TTBK2: variants seen among roughly 807,000 people sequenced by gnomAD.
TTBK2 encodes the protein tau-tubulin kinase 2.
Under a neutral mutation model 110.8 loss-of-function variants are expected in TTBK2, and 28 were observed. That is an observed-to-expected ratio of 0.25 (90% confidence interval 0.19 to 0.35). The LOEUF is 0.35. Ranked by LOEUF, TTBK2 falls within the 10% of genes least tolerant of loss-of-function variation. The pLI is 1.00. For synonymous variants in TTBK2, 532 were observed against 527.3 expected (o/e 1.01, Z -0.12); for missense variants, 1,369 against 1,500.3 (o/e 0.91, Z 1.45).
intron 7 of TTBK2, among the ~76,000 whole-genome samples, chr15:42,813,845 G>T (rs1256274228): frequency 1.3e-5 from 2 of 151,180 alleles, no homozygotes; most frequent in Non-Finnish European, 2.9e-5. Flanking sequence ...GAGAGAGCAG[G>T]ACTCCATCTC....
At chr15:42,909,899 C>T (rs1484970129) in intron 1 of TTBK2, among the ~76,000 whole-genome samples, 1 of 152,078 alleles carries the variant, frequency 6.6e-6, no homozygotes, top group Admixed American at 6.6e-5. Context: ...GCAGCTTACA[C>T]CTGTAGTAAT....
At chr15:42,877,634 A>G (rs1263028728) in intron 2 of TTBK2, among the ~76,000 whole-genome samples, 1 of 152,206 alleles carries the variant, frequency 6.6e-6, no homozygotes, top group Non-Finnish European at 1.5e-5. Context: ...CTAAAACTGT[A>G]TTTGGTAATA....
Position 42,795,257 on chromosome 15 carries a change from A to T in TTBK2, c.823-456T>A, listed in dbSNP as rs564901676. Among the ~76,000 whole-genome samples, 200 of 139,960 alleles carry T rather than the reference A, an allele frequency of 1.4e-3. 2 individuals carry two copies. Among genetic ancestry groups the T allele is most frequent in the Non-Finnish European group, 2.5e-3 (157 of 63,044 alleles). The allele number at this position is 139,960 out of a possible 152,430, so 91.8% of individuals were successfully genotyped here. ...ATAGAAGTTCATTGTGCTTTCCTTCATTTTTTTTTTTTTTGCAGGTTTAAA... is the reference window on the plus strand; with the variant it reads ...ATAGAAGTTCATTGTGCTTTCCTTCTTTTTTTTTTTTTTTGCAGGTTTAAA... On this transcript the variant is annotated intron_variant, in intron 9 of 14. Transcript: ENST00000267890.
chr15:42,801,437 C>G, intron 9 of TTBK2: 1 of 884,694 alleles, frequency 1.1e-6, no homozygotes, highest in Non-Finnish European at 1.9e-6. Context: ...AGCCCTCTGG[C>G]CTTTGAGACC....
chr15:42,825,049 C>CTAT (rs1892470431), intron 6 of TTBK2, among the ~76,000 whole-genome samples: 1 of 152,094 alleles, frequency 6.6e-6, no homozygotes, highest in South Asian at 2.1e-4. Flanking sequence ...TAGTTTGAGG[C>CTAT]TACAATGGGT....
intron 3 of TTBK2, among the ~76,000 whole-genome samples, chr15:42,866,971 G>A (rs533856684): frequency 5.3e-5 from 8 of 152,294 alleles, no homozygotes; most frequent in Admixed American, 2.6e-4. Flanking sequence ...TAGGCCGGGC[G>A]CAGTGGCTCA....
intron 3 of TTBK2, chr15:42,855,174 T>C (rs551511719): frequency 2.6e-5 from 4 of 152,212 alleles, no homozygotes; most frequent in Admixed American, 2.6e-4. Flanking sequence ...GCCTCTCGGG[T>C]TCAAGTGATT....
chr15:42,821,693 T>G (rs577329371), intron 6 of TTBK2, among the ~76,000 whole-genome samples: 10 of 128,198 alleles, frequency 7.8e-5, no homozygotes, highest in South Asian at 2.6e-4. Flanking sequence ...TTTGTTTTTT[T>G]TTTGTTTTTT....
At chr15:42,766,668 C>G (rs749696667) in intron 13 of TTBK2, among the ~76,000 whole-genome samples, 8 of 151,876 alleles carry the variant, frequency 5.3e-5, no homozygotes, top group Non-Finnish European at 1.0e-4. Context: ...ACTTAGACTC[C>G]CACACAATAA....
At position 42,746,304 on chromosome 15, in the gene TTBK2, T is replaced by C. The variant is rs116935741; in HGVS notation, c.3273-47A>G. The C allele has an allele frequency of 8.9e-5, 131 of 1,470,300 alleles. No individual in the cohort carries two copies. In the East Asian group the frequency reaches 2.8e-3, roughly 31 times the overall value. 91.1% of individuals were successfully genotyped at this position (1,470,300 alleles called of 1,614,324 possible). On this transcript the variant is annotated intron_variant, in intron 14 of 14. Coordinates refer to ENST00000267890, the MANE Select transcript of TTBK2 (RefSeq NM_173500.4). ...TATTTTAATTTTAATTCATTTCAAG[T>C]GTGCCTAAAAAGTCACAATGTCCCA...
At chr15:42,873,428 C>A (rs1160564192) in intron 2 of TTBK2, among the ~76,000 whole-genome samples, 1 of 151,924 alleles carries the variant, frequency 6.6e-6, no homozygotes, top group Non-Finnish European at 1.5e-5. Flanking sequence ...AGAGAGACTC[C>A]ATCTCAAAAA....
chr15:42,850,988 G>C (rs900281537), intron 3 of TTBK2, among the ~76,000 whole-genome samples: 61 of 152,066 alleles, frequency 4.0e-4, no homozygotes, highest in African/African-American at 1.4e-3. Flanking sequence ...CACTTTGGGA[G>C]GCTGAGGAGG....
chr15:42,830,134 A>G, intron 4 of TTBK2, 56 bp from the exon 5 acceptor site: 1 of 1,603,354 alleles, frequency 6.2e-7, no homozygotes, highest in Non-Finnish European at 8.5e-7. Flanking sequence ...AGTATAAGAG[A>G]AGACTGGGAA....
At chr15:42,845,045 A>G (rs1286110190) in intron 3 of TTBK2, among the ~76,000 whole-genome samples, 1 of 152,242 alleles carries the variant, frequency 6.6e-6, no homozygotes, top group Admixed American at 6.5e-5. Context: ...ATGGATATAA[A>G]GAAGATTCAA....
At chr15:42,819,348 C>CAAAA in intron 6 of TTBK2, among the ~76,000 whole-genome samples, 1 of 98,040 alleles carries the variant, frequency 1.0e-5, no homozygotes, top group South Asian at 3.1e-4. Flanking sequence ...GACTCTGTCT[C>CAAAA]AAAAAAAAAA....
intron 3 of TTBK2, among the ~76,000 whole-genome samples, chr15:42,856,532 A>G (rs921172944): frequency 1.3e-5 from 2 of 152,200 alleles, no homozygotes; most frequent in African/African-American, 4.8e-5. Flanking sequence ...GAGAAATTAA[A>G]TACTGGATAG....
intron 3 of TTBK2, among the ~76,000 whole-genome samples, chr15:42,852,590 T>C (rs1893764068): frequency 6.6e-6 from 1 of 152,208 alleles, no homozygotes; most frequent in Non-Finnish European, 1.5e-5. Context: ...AAGACACACA[T>C]ATTCTATTCC....
chr15:42,807,355 A>G (rs1241690933), intron 9 of TTBK2, among the ~76,000 whole-genome samples: 1 of 152,120 alleles, frequency 6.6e-6, no homozygotes, highest in Non-Finnish European at 1.5e-5. Flanking sequence ...TGCTTAACAA[A>G]TTTGAACACT....
intron 13 of TTBK2, among the ~76,000 whole-genome samples, chr15:42,773,276 A>G (rs1161055062): frequency 1.3e-5 from 2 of 152,122 alleles, no homozygotes; most frequent in African/African-American, 2.4e-5. Flanking sequence ...ACTTTCAATT[A>G]ATACAAAAAA....
Sources: allele counts gnomAD v4.1 joint callset (sites outside exome capture counted in the v4.1 genomes callset), GRCh38; gene constraint gnomAD v4.1.1; transcripts MANE v1.5; gene names NCBI Gene and HGNC (gene_info 2026-07-23, HGNC 2026-07-21).